Variants in PLA2G7 observed in about 807,000 individuals in gnomAD.
PLA2G7 encodes the protein platelet-activating factor acetylhydrolase.
PLA2G7 carries 63 observed loss-of-function variants against 49.6 expected under a neutral mutation model. The observed-to-expected ratio is 1.27, with a 90% CI of 1.04 to 1.57. PLA2G7 has a LOEUF of 1.57. Ranked by LOEUF, PLA2G7 falls within the 40% of genes most tolerant of loss-of-function variation. The pLI, the probability that PLA2G7 is intolerant of heterozygous loss-of-function variation, is 0.00. For synonymous variants in PLA2G7, 193 were observed against 169.9 expected, an observed-to-expected ratio of 1.14 and a Z score of -1.06; for missense variants, 596 against 521.2, an observed-to-expected ratio of 1.14 and a Z score of -1.40.
chr6:46,725,066 T>C (rs1765527464), intron 1 of PLA2G7, among the ~76,000 whole-genome samples: 1 of 152,046 alleles, frequency 6.6e-6, no homozygotes, highest in South Asian at 2.1e-4. Context: ...AGAAAGCAAA[T>C]TACAGGGGCA....
chr6:46,727,538 C>T (rs980541892), intron 1 of PLA2G7, among the ~76,000 whole-genome samples: 1 of 152,116 alleles, frequency 6.6e-6, no homozygotes, highest in African/African-American at 2.4e-5. Flanking sequence ...GCACTCCCAC[C>T]CAAATGTCCA....
chr6:46,719,412 G>A (rs1765321448), intron 2 of PLA2G7, among the ~76,000 whole-genome samples: 1 of 152,172 alleles, frequency 6.6e-6, no homozygotes, highest in Non-Finnish European at 1.5e-5. Context: ...GGAAATGCAG[G>A]CTCCTGGACT....
At position 46,717,022 on chromosome 6, in the gene PLA2G7, G is replaced by A. The variant is rs139188438; in HGVS notation, c.184C>T (p.Pro62Ser). Residue 62 changes from proline (P) to serine (S), a missense_variant, in exon 3 of 12, where the codon CCT (proline) becomes TCT (serine). By Grantham distance (74) the Pro-to-Ser change is moderately conservative (BLOSUM62 -1). Transcript: ENST00000274793. ...GQTKIPRGNG[P>S]YSVGCTDLMF... is the part of the protein sequence containing the mutation. ...AAGTCTGTACAACCAACGGAATAAG[G>A]CCCATTTCCCCGGGGGATTTTAGTT... 1.4e-5 allele frequency: 23 copies of A among 1,613,164 alleles called. No individual in the cohort carries two copies. In the African/African-American group the frequency reaches 1.6e-4, roughly 11 times the overall value.
chr6:46,717,412 T>A (rs1003800029), intron 2 of PLA2G7, among the ~76,000 whole-genome samples: 6 of 152,236 alleles, frequency 3.9e-5, no homozygotes, highest in Admixed American at 6.5e-5. Flanking sequence ...TTCACAAATC[T>A]GTTTTTCCTA....
chr6:46,735,545 C>G (rs1273535944), upstream of PLA2G7: 4 of 152,524 alleles, frequency 2.6e-5, no homozygotes, highest in Non-Finnish European at 5.9e-5. Flanking sequence ...GACCATGGCC[C>G]GCACCTGGAC....
intron 5 of PLA2G7, among the ~76,000 whole-genome samples, chr6:46,713,295 AG>A (rs1765091927): frequency 6.6e-6 from 1 of 152,238 alleles, no homozygotes; most frequent in Non-Finnish European, 1.5e-5. Context: ...CCTTTTCAAG[AG>A]GGGGGAATGA....
At chr6:46,716,613 G>C in intron 3 of PLA2G7, 85 bp from the exon 4 acceptor site, 1 of 1,356,818 alleles carries the variant, frequency 7.4e-7, no homozygotes, top group Admixed American at 1.7e-5. Context: ...TAATTAGTGG[G>C]GACTCAAATA....
chr6:46,729,565 T>A (rs1765671111), intron 1 of PLA2G7, among the ~76,000 whole-genome samples: 1 of 152,152 alleles, frequency 6.6e-6, no homozygotes, highest in African/African-American at 2.4e-5. Context: ...GTTGAGATAA[T>A]GAAGACAAAG....
Position 46,708,249 on chromosome 6 carries a change from A to G in PLA2G7, c.870-88T>C, listed in dbSNP as rs1764897938. ...ATCCTAATAATGCTAGGATTGGTGG[A>G]CACGCACCATACCAGTTTATTATGG... is the stretch of plus-strand genomic sequence containing the variant. On this transcript the variant is annotated intron_variant, in intron 9 of 11. Transcript: ENST00000274793. 7 of 971,118 alleles carry G rather than the reference A, an allele frequency of 7.2e-6. No homozygotes were observed. In the South Asian group the frequency reaches 9.0e-5, roughly 13 times the overall value. 60.2% of individuals were successfully genotyped at this position (971,118 alleles called of 1,614,324 possible).
At chr6:46,731,719 A>T (rs562695726) in intron 1 of PLA2G7, among the ~76,000 whole-genome samples, 19 of 152,352 alleles carry the variant, frequency 1.2e-4, no homozygotes, top group African/African-American at 4.3e-4. Flanking sequence ...AAAGTAATAC[A>T]ATATGAGCAA....
chr6:46,707,950 C>T, intron 10 of PLA2G7, 41 bp downstream of exon 10: 4 of 1,269,034 alleles, frequency 3.2e-6, no homozygotes, highest in Non-Finnish European at 3.4e-6. Context: ...ACCCAAGCTT[C>T]AAGTTTGTTT....
intron 9 of PLA2G7, 147 bp downstream of exon 9, chr6:46,709,180 T>C (rs1764926318): frequency 3.2e-6 from 2 of 615,702 alleles, no homozygotes; most frequent in South Asian, 1.9e-5. Flanking sequence ...AAAATGTATA[T>C]AGAGTATTTT....
At chr6:46,713,331 T>C (rs1242846733) in intron 5 of PLA2G7, among the ~76,000 whole-genome samples, 1 of 152,200 alleles carries the variant, frequency 6.6e-6, no homozygotes, top group Non-Finnish European at 1.5e-5. Context: ...TAGCAAACTT[T>C]TTCTGTTGAA....
In PLA2G7 at chr6:46,735,288, C is replaced by T. The variant is rs1765890021; in HGVS notation, c.-143G>A. 6.6e-6 allele frequency: 1 copy of T among 152,334 alleles called. No individual in the cohort carries two copies. Among genetic ancestry groups the T allele is most frequent in the African/African-American group, 2.4e-5 (1 of 41,474 alleles). 9.4% of individuals were successfully genotyped at this position (152,334 alleles called of 1,614,324 possible). A position where few individuals can be genotyped will look rare whatever the true frequency, so the allele number is the denominator to read the frequency against. On this transcript the variant is annotated 5_prime_UTR_variant, in exon 1 of 12. The change creates a new upstream start codon in the 5' untranslated region. Transcript: ENST00000274793. ...ACCCGACTGCTTCTCGCCGACAGCACTGCGAGCCTCCGACCAGCCGCTGTC... is the reference window on the plus strand; with the variant it reads ...ACCCGACTGCTTCTCGCCGACAGCATTGCGAGCCTCCGACCAGCCGCTGTC...
intron 1 of PLA2G7, among the ~76,000 whole-genome samples, chr6:46,733,938 C>CTAA (rs1765810789): frequency 6.6e-6 from 1 of 152,180 alleles, no homozygotes; most frequent in Admixed American, 6.5e-5. Context: ...GATTTGTTAA[C>CTAA]ACATCCCAAA....
At chr6:46,728,264 A>G (rs1489570224) in intron 1 of PLA2G7, among the ~76,000 whole-genome samples, 1 of 152,174 alleles carries the variant, frequency 6.6e-6, no homozygotes, top group African/African-American at 2.4e-5. Context: ...GCCCCCCAAG[A>G]AGACACTTAT....
At chr6:46,717,803 C>A (rs1223666295) in intron 2 of PLA2G7, among the ~76,000 whole-genome samples, 1 of 151,632 alleles carries the variant, frequency 6.6e-6, no homozygotes, top group Non-Finnish European at 1.5e-5. Context: ...CCTCCGACTC[C>A]CTGGTTCAAG....
intron 1 of PLA2G7, among the ~76,000 whole-genome samples, chr6:46,729,421 A>G (rs1024720553): frequency 3.9e-5 from 6 of 152,202 alleles, no homozygotes; most frequent in African/African-American, 1.4e-4. Context: ...CCACCCACTT[A>G]TCTGATGTCA....
At chr6:46,721,652 T>C (rs943705654) in intron 2 of PLA2G7, among the ~76,000 whole-genome samples, 4 of 150,522 alleles carry the variant, frequency 2.7e-5, no homozygotes, top group African/African-American at 9.8e-5. Flanking sequence ...ACCCTTGAAT[T>C]TGACTACACA....
Sources: gnomAD v4.1 joint callset for allele counts (sites outside exome capture counted in the v4.1 genomes callset) on GRCh38, gnomAD v4.1.1 for gene constraint, MANE v1.5 for transcripts, NCBI Gene and HGNC (gene_info 2026-07-23, HGNC 2026-07-21) for gene names.